Variants in CCDC3 observed in about 807,000 individuals in gnomAD.
CCDC3 encodes the protein coiled-coil domain-containing protein 3.
Under a neutral mutation model 21.4 loss-of-function variants are expected in CCDC3, and 24 were observed. The observed-to-expected ratio is 1.12, with a 90% CI of 0.81 to 1.58. The LOEUF (loss-of-function observed/expected upper bound fraction) is 1.58. CCDC3 is among the 40% of genes most tolerant of loss of function. The pLI is 0.00. For missense variants in CCDC3, 425 were observed against 360.9 expected (o/e 1.18, Z -1.44); for synonymous variants, 186 against 166.0 (o/e 1.12, Z -0.93).
chr10:12,985,375 T>C (rs193192591), intron 2 of CCDC3, among the ~76,000 whole-genome samples: 2 of 152,350 alleles, frequency 1.3e-5, no homozygotes, highest in Admixed American at 1.3e-4. Flanking sequence ...CAGGGTTTCT[T>C]TTAACACTAA....
chr10:13,028,523 A>AT (rs1295519473), intron 5 of CCDC3, among the ~76,000 whole-genome samples: 1 of 152,082 alleles, frequency 6.6e-6, no homozygotes. Flanking sequence ...TTTTGAGTTA[A>AT]TTTTTTTCCT....
chr10:13,090,501 C>T (rs1439379047), intron 3 of CCDC3, among the ~76,000 whole-genome samples: 1 of 152,184 alleles, frequency 6.6e-6, no homozygotes, highest in African/African-American at 2.4e-5. Flanking sequence ...CTGAGAAGGA[C>T]TAAGTCCATA....
At chr10:13,029,091 G>A (rs539146195) in intron 5 of CCDC3, among the ~76,000 whole-genome samples, 11 of 152,306 alleles carry the variant, frequency 7.2e-5, no homozygotes, top group South Asian at 4.1e-4. Flanking sequence ...GTGACAGGAT[G>A]CCAGCCTTGG....
intron 2 of CCDC3, among the ~76,000 whole-genome samples, chr10:12,936,648 A>C (rs1408032797): frequency 1.3e-5 from 2 of 152,248 alleles, no homozygotes; most frequent in Admixed American, 1.3e-4. Context: ...AGGTCTCCTA[A>C]GACCAAGCAC....
intron 4 of CCDC3, among the ~76,000 whole-genome samples, chr10:13,054,199 T>TCAC (rs1836652002): frequency 1.4e-5 from 2 of 144,216 alleles, no homozygotes; most frequent in South Asian, 4.5e-4. Flanking sequence ...GGGGCACACC[T>TCAC]CACCTGGTCT....
intron 4 of CCDC3, among the ~76,000 whole-genome samples, chr10:13,067,466 T>C (rs993131042): frequency 6.6e-6 from 1 of 152,222 alleles, no homozygotes; most frequent in Non-Finnish European, 1.5e-5. Flanking sequence ...TGTAAAGTTT[T>C]AATTATGAAA....
At chr10:12,923,565 G>T (rs1295423584) in intron 2 of CCDC3, among the ~76,000 whole-genome samples, 1 of 151,994 alleles carries the variant, frequency 6.6e-6, no homozygotes, top group Non-Finnish European at 1.5e-5. Flanking sequence ...CTCCCTTTTT[G>T]CATTAATCCT....
rs61565163 is a variant in CCDC3 at position 12,933,458 on chromosome 10, AT to A, written c.550-34780del. Among the ~76,000 whole-genome samples, 208 of 144,632 alleles carry A rather than the reference AT, an allele frequency of 1.4e-3. 1 individual carries two copies. Among genetic ancestry groups the A allele is most frequent in the African/African-American group, 4.3e-3 (169 of 39,096 alleles). The allele number at this position is 144,632 out of a possible 152,430, so 94.9% of individuals were successfully genotyped here. Reference sequence around the variant, plus strand: ...TAGAGTTGTTGATAATATTCCCTTTATTTTTTTTTTTTTTGAGACAGAGTCT... The same window carrying A: ...TAGAGTTGTTGATAATATTCCCTTTATTTTTTTTTTTTTGAGACAGAGTCT... On this transcript the variant is annotated intron_variant, in intron 2 of 2. Coordinates refer to ENST00000378825, the MANE Select transcript of CCDC3 (RefSeq NM_031455.4).
intron 2 of CCDC3, among the ~76,000 whole-genome samples, chr10:12,983,152 A>AG (rs1835531487): frequency 1.5e-5 from 1 of 65,106 alleles, no homozygotes; most frequent in Non-Finnish European, 3.5e-5. Flanking sequence ...ATATATATAT[A>AG]TATATATATA....
At position 13,001,505 on chromosome 10, in the gene CCDC3, G is replaced by C. The variant is rs2131288458; in HGVS notation, c.66C>G (p.Cys22Trp). Reference sequence around the variant, plus strand: ...GGGGCCTCCACTCGGAGGGCAGCTGGCAGGCGCGCGCGGGCGCTGGGGGAC... The same window carrying C: ...GGGGCCTCCACTCGGAGGGCAGCTGCCAGGCGCGCGCGGGCGCTGGGGGAC... ...LAGPPAPARA[C>W]QLPSEWRPLS... The change falls in exon 1 of 3, where the codon TGC becomes TGG. Residue 22 changes from cysteine to tryptophan, a missense_variant. Cys to Trp is a radical substitution (Grantham distance 215). Coordinates refer to ENST00000378825, the MANE Select transcript of CCDC3 (RefSeq NM_031455.4). 7.5e-7 allele frequency: 1 copy of C among 1,330,592 alleles called. No homozygotes were observed. Among genetic ancestry groups the C allele is most frequent in the Admixed American group, 4.0e-5 (1 of 24,798 alleles). 82.4% of individuals were successfully genotyped at this position (1,330,592 alleles called of 1,614,324 possible). A position where few individuals can be genotyped will look rare whatever the true frequency, so the allele number is the denominator to read the frequency against.
intron 5 of CCDC3, among the ~76,000 whole-genome samples, chr10:13,047,322 G>C (rs975122241): frequency 4.5e-4 from 68 of 152,316 alleles, no homozygotes; most frequent in African/African-American, 1.4e-3. Flanking sequence ...GAGTCTCCAT[G>C]GAGCTGGTGA....
chr10:12,920,335 C>G (rs1398224835), intron 2 of CCDC3, among the ~76,000 whole-genome samples: 1 of 152,150 alleles, frequency 6.6e-6, no homozygotes, highest in Non-Finnish European at 1.5e-5. Flanking sequence ...CCACGGGGTC[C>G]TTCCCACAAC....
intron 2 of CCDC3, among the ~76,000 whole-genome samples, chr10:12,910,000 G>A (rs763571622): frequency 1.3e-5 from 2 of 152,226 alleles, no homozygotes; most frequent in Non-Finnish European, 2.9e-5. Flanking sequence ...CCGCCCTCCC[G>A]GGGAATGCGA....
intron 2 of CCDC3, among the ~76,000 whole-genome samples, chr10:12,969,628 T>A (rs956298864): frequency 2.0e-5 from 3 of 150,702 alleles, no homozygotes; most frequent in African/African-American, 7.3e-5. Flanking sequence ...ATAAAAAAAG[T>A]TTTTTTATAT....
chr10:13,023,473 T>C (rs1836174498), intron 5 of CCDC3, among the ~76,000 whole-genome samples: 1 of 152,098 alleles, frequency 6.6e-6, no homozygotes, highest in East Asian at 1.9e-4. Flanking sequence ...CCTAGCTTAG[T>C]GGCTAGGTTT....
intron 5 of CCDC3, among the ~76,000 whole-genome samples, chr10:13,021,470 G>A (rs1423033508): frequency 6.6e-6 from 1 of 152,196 alleles, no homozygotes; most frequent in Non-Finnish European, 1.5e-5. Context: ...ACTTGACTCT[G>A]ACAAGAGCTC....
At chr10:13,040,671 C>G (rs1450187434) in intron 5 of CCDC3, among the ~76,000 whole-genome samples, 2 of 141,924 alleles carry the variant, frequency 1.4e-5, no homozygotes, top group Non-Finnish European at 3.0e-5. Context: ...GCCTGGGCAA[C>G]AAGAGCAAAA....
chr10:13,022,593 CA>C (rs549411675), intron 5 of CCDC3, among the ~76,000 whole-genome samples: 84 of 152,134 alleles, frequency 5.5e-4, no homozygotes, highest in African/African-American at 1.9e-3. Context: ...AAAGTAATGG[CA>C]AAAACTGCAA....
At chr10:12,917,255 G>A (rs181163899) in intron 2 of CCDC3, among the ~76,000 whole-genome samples, 2 of 129,352 alleles carry the variant, frequency 1.5e-5, no homozygotes, top group Admixed American at 9.9e-5. Context: ...CTGCAGTGGC[G>A]CTATCTCGGC....
Sources: allele counts gnomAD v4.1 joint callset (sites outside exome capture counted in the v4.1 genomes callset), GRCh38; gene constraint gnomAD v4.1.1; transcripts MANE v1.5; gene names NCBI Gene and HGNC (gene_info 2026-07-23, HGNC 2026-07-21).